Variants in OGDH observed in about 807,000 individuals in gnomAD.
OGDH encodes 2-oxoglutarate dehydrogenase complex component E1.
OGDH carries 38 observed loss-of-function variants against 116.6 expected under a neutral mutation model. The observed-to-expected ratio is 0.33, with a 90% confidence interval of 0.25 to 0.43. The LOEUF is 0.43. OGDH is among the 20% of genes least tolerant of loss of function. The pLI is 1.00. For synonymous variants in OGDH, 488 were observed against 533.3 expected (o/e 0.92, Z 1.17); for missense variants, 825 against 1,357.2 (o/e 0.61, Z 6.16).
chr7:44,659,222 G>A (rs1181251492), intron 4 of OGDH, among the ~76,000 whole-genome samples: 1 of 152,176 alleles, frequency 6.6e-6, no homozygotes, highest in East Asian at 1.9e-4. Context: ...TATTGATTGA[G>A]TTTTGATTAT....
In OGDH at chr7:44,624,306, T is replaced by C. The variant is rs1785116893; in HGVS notation, c.-27-11T>C. ...TTTCTTTCTTGTTTTTTTTTTTTTTTTTTTGTACAGGCAGTTGTGAAAAAC... is the reference window on the plus strand; with the variant it reads ...TTTCTTTCTTGTTTTTTTTTTTTTTCTTTTGTACAGGCAGTTGTGAAAAAC... On this transcript the variant is annotated splice_polypyrimidine_tract_variant and intron_variant, in intron 1 of 22. Coordinates refer to ENST00000222673, the MANE Select transcript of OGDH (RefSeq NM_002541.4). The C allele has an allele frequency of 7.4e-7, 1 of 1,356,894 alleles. No individual in the cohort carries two copies. The highest frequency in any genetic ancestry group is 1.0e-6 in the Non-Finnish European group (1 of 995,734). 84.1% of individuals were successfully genotyped at this position (1,356,894 alleles called of 1,614,324 possible).
chr7:44,659,044 G>A (rs543402853), intron 4 of OGDH, among the ~76,000 whole-genome samples: 2 of 152,106 alleles, frequency 1.3e-5, no homozygotes, highest in South Asian at 4.2e-4. Flanking sequence ...CACCATGTTG[G>A]CTAGGCTGGT....
chr7:44,669,345 T>G (rs1787329633), intron 5 of OGDH, among the ~76,000 whole-genome samples: 1 of 151,424 alleles, frequency 6.6e-6, no homozygotes, highest in Non-Finnish European at 1.5e-5. Flanking sequence ...AGAGATGAGA[T>G]CTCACCACGT....
intron 4 of OGDH, among the ~76,000 whole-genome samples, chr7:44,657,998 G>T (rs1002870901): frequency 1.3e-5 from 2 of 152,154 alleles, no homozygotes; most frequent in African/African-American, 4.8e-5. Flanking sequence ...TCCTTTGTGT[G>T]TCTGTTTTTC....
At chr7:44,610,582 G>A (rs551245873) in intron 1 of OGDH, among the ~76,000 whole-genome samples, 2 of 152,066 alleles carry the variant, frequency 1.3e-5, no homozygotes, top group African/African-American at 2.4e-5. Flanking sequence ...GATTACAGGC[G>A]TGAGCCACTG....
intron 10 of OGDH, among the ~76,000 whole-genome samples, chr7:44,686,632 T>C (rs563535256): frequency 6.6e-6 from 1 of 150,516 alleles, no homozygotes; most frequent in Non-Finnish European, 1.5e-5. Context: ...AATCCACCAC[T>C]GAAAGACTTC....
At chr7:44,689,722 T>G (rs1166985224) in intron 10 of OGDH, among the ~76,000 whole-genome samples, 1 of 152,216 alleles carries the variant, frequency 6.6e-6, no homozygotes, top group East Asian at 1.9e-4. Context: ...GAAATTTCTA[T>G]TCAGATCCTC....
intron 10 of OGDH, among the ~76,000 whole-genome samples, chr7:44,692,165 G>A (rs1169596258): frequency 6.6e-6 from 1 of 152,026 alleles, no homozygotes; most frequent in Non-Finnish European, 1.5e-5. Context: ...TCTAGGATTA[G>A]ATTGCAAAAA....
At chr7:44,639,211 C>T (rs561873972) in intron 2 of OGDH, among the ~76,000 whole-genome samples, 21 of 152,212 alleles carry the variant, frequency 1.4e-4, no homozygotes, top group African/African-American at 4.8e-4. Context: ...GAGGATGAGG[C>T]AGGGGTGGGT....
rs77813445 is a variant in OGDH, at chr7:44,693,006, TAA to T, written c.1336-804_1336-803del. ...GGTTGACAGACCATGACTCTCTCTTTAAAAAAAAAAAAAAAATTCTTGCTGGG... is the reference window on the plus strand; with the variant it reads ...GGTTGACAGACCATGACTCTCTCTTTAAAAAAAAAAAAAATTCTTGCTGGG... On this transcript the variant is annotated intron_variant, in intron 10 of 22. Transcript: ENST00000222673. 2.9e-3 allele frequency among the ~76,000 whole-genome samples: 404 copies of T among 139,240 alleles called. 1 individual carries two copies. The highest frequency in any genetic ancestry group is 0.021 in the East Asian group (105 of 4,888). The allele number at this position is 139,240 out of a possible 152,430, so 91.3% of individuals were successfully genotyped here.
intron 4 of OGDH, among the ~76,000 whole-genome samples, chr7:44,651,215 C>T (rs910037453): frequency 8.5e-5 from 13 of 152,204 alleles, no homozygotes; most frequent in Non-Finnish European, 1.0e-4. Flanking sequence ...ATTCTGTCCA[C>T]TCTGAGTTTT....
chr7:44,699,449 A>C (rs904464177), intron 18 of OGDH, among the ~76,000 whole-genome samples: 7 of 146,470 alleles, frequency 4.8e-5, no homozygotes, highest in African/African-American at 7.8e-5. Flanking sequence ...AAAAAAAAAA[A>C]CTCAAAGAAA....
chr7:44,640,334 T>C (rs956742693), intron 2 of OGDH, among the ~76,000 whole-genome samples: 6 of 152,144 alleles, frequency 3.9e-5, no homozygotes, highest in African/African-American at 1.4e-4. Context: ...CCCACATCTC[T>C]CCAGTGGGAA....
At chr7:44,656,582 G>A (rs1786700431) in intron 4 of OGDH, among the ~76,000 whole-genome samples, 1 of 152,100 alleles carries the variant, frequency 6.6e-6, no homozygotes, top group Non-Finnish European at 1.5e-5. Context: ...GTTCATTTGT[G>A]TTTCAAAGAG....
chr7:44,609,332 G>C (rs1055057757), intron 1 of OGDH, among the ~76,000 whole-genome samples: 1 of 116,064 alleles, frequency 8.6e-6, no homozygotes, highest in Admixed American at 1.0e-4. Context: ...GTGAGACCTC[G>C]TCTCTACAAA....
At chr7:44,638,555 C>T (rs548553350) in intron 2 of OGDH, among the ~76,000 whole-genome samples, 3 of 152,334 alleles carry the variant, frequency 2.0e-5, no homozygotes, top group South Asian at 2.1e-4. Context: ...GTCACTGCCC[C>T]TGCCTACATC....
chr7:44,613,461 C>T (rs1347336656), intron 1 of OGDH, among the ~76,000 whole-genome samples: 4 of 152,148 alleles, frequency 2.6e-5, no homozygotes, highest in South Asian at 4.1e-4. Flanking sequence ...CCCAGGTTCA[C>T]GCCATTCTTC....
Position 44,694,288 on chromosome 7 carries a change from G to A in OGDH, c.1516-136G>A. 1 of 1,093,210 alleles carries A rather than the reference G, an allele frequency of 9.1e-7. No homozygotes were observed. Among genetic ancestry groups the A allele is most frequent in the Admixed American group, 2.4e-5 (1 of 40,836 alleles). 67.7% of individuals were successfully genotyped at this position (1,093,210 alleles called of 1,614,324 possible). Reference sequence around the variant, plus strand: ...AGATACACAGAATCCTAATTCTAGAGAAGGTAAACTCCAGGGCAGGCATGA... The same window carrying A: ...AGATACACAGAATCCTAATTCTAGAAAAGGTAAACTCCAGGGCAGGCATGA... On this transcript the variant is annotated intron_variant, in intron 11 of 22. Coordinates refer to ENST00000222673, the MANE Select transcript of OGDH (RefSeq NM_002541.4). This position sits in a 1 kb window ranked among gnomAD's most constrained non-coding sequence, Gnocchi z 4.2.
In OGDH at chr7:44,645,501, C is replaced by T; in HGVS notation, c.397C>T (p.Leu133Phe). Reference sequence around the variant, plus strand: ...GGAGGACCACCTGGCAGTGCAGTCGCTCATCAGGGCATATCAGGTAAGGCG... The same window carrying T: ...GGAGGACCACCTGGCAGTGCAGTCGTTCATCAGGGCATATCAGGTAAGGCG... ...LVEDHLAVQS[L>F]IRAYQIRGHH... is the part of the protein sequence containing the mutation. The change falls in exon 3 of 23, where the codon CTC becomes TTC. Residue 133 changes from leucine (L) to phenylalanine (F), a missense_variant. By Grantham distance (22) the Leu-to-Phe change is conservative. Around this residue, in one of 7 missense-constraint regions of OGDH, gnomAD observed 171 missense variants for 276.8 expected, o/e 0.62. Transcript: ENST00000222673. 1 of 1,614,138 alleles carries T rather than the reference C, an allele frequency of 6.2e-7. No homozygotes were observed. Among genetic ancestry groups the T allele is most frequent in the South Asian group, 1.1e-5 (1 of 91,090 alleles).
Sources: allele counts gnomAD v4.1 joint callset (sites outside exome capture counted in the v4.1 genomes callset), GRCh38; gene constraint gnomAD v4.1.1; regional missense constraint gnomAD v4.1.1; non-coding constraint Gnocchi (gnomAD v3.1); transcripts MANE v1.5; gene names NCBI Gene and HGNC (gene_info 2026-07-23, HGNC 2026-07-21).